AFF2: variants seen among roughly 807,000 people sequenced by gnomAD.
AFF2 encodes AF4/FMR2 family member 2.
In AFF2, 14 loss-of-function variants were observed where a neutral mutation model predicts 76.9. The observed-to-expected ratio is 0.18, with a 90% CI of 0.12 to 0.28. The LOEUF (loss-of-function observed/expected upper bound fraction) is 0.28. Ranked by LOEUF, AFF2 falls within the 10% of genes least tolerant of loss-of-function variation. The pLI, the probability that AFF2 is intolerant of heterozygous loss-of-function variation, is 1.00. For missense variants in AFF2, 868 were observed against 1,001.1 expected (o/e 0.87, Z 1.79); for synonymous variants, 398 against 366.7 (o/e 1.09, Z -0.98).
At chrX:148,761,313 A>G (rs782313247) in intron 3 of AFF2, among the ~76,000 whole-genome samples, 1 of 111,189 alleles carries the variant, frequency 9.0e-6, no homozygotes, top group South Asian at 3.8e-4. Flanking sequence ...TAGAACTATT[A>G]TGTAACATTT....
intron 2 of AFF2, among the ~76,000 whole-genome samples, chrX:148,658,878 G>T (rs782589394): frequency 8.9e-6 from 1 of 111,943 alleles, no homozygotes; most frequent in Non-Finnish European, 1.9e-5. Context: ...TTTTGATATA[G>T]ACAGGGTATG....
intron 8 of AFF2, among the ~76,000 whole-genome samples, chrX:148,898,017 G>A (rs1557280514): frequency 2.7e-5 from 3 of 112,397 alleles, no homozygotes; most frequent in Non-Finnish European, 5.6e-5. Flanking sequence ...TTTTCATTAA[G>A]TTACAATAAA....
In AFF2 at chrX:148,808,243, A is replaced by G. The variant is rs138293060; in HGVS notation, c.1042-1633A>G. On this transcript the variant is annotated intron_variant, in intron 3 of 20. Transcript: ENST00000370460. Reference sequence around the variant, plus strand: ...TTGTGCATTAACTATGTGATTCTTCATATTCACCTTCCTATTGAGCCTGTA... The same window carrying G: ...TTGTGCATTAACTATGTGATTCTTCGTATTCACCTTCCTATTGAGCCTGTA... Among the ~76,000 whole-genome samples the G allele has an allele frequency of 2.6e-3, 286 of 111,918 alleles. 1 individual carries two copies. The highest frequency in any genetic ancestry group is 4.4e-3 in the Non-Finnish European group (234 of 53,187).
At chrX:148,904,120 T>C (rs2071384078) in intron 8 of AFF2, 101 bp from the exon 9 acceptor site, 2 of 574,928 alleles carry the variant, frequency 3.5e-6, no homozygotes, top group South Asian at 5.1e-5. Flanking sequence ...TAGCTCCTTA[T>C]GTTTCTGAAG....
At chrX:148,971,747 C>CTTTTTTTTTTT (rs781928514) in intron 15 of AFF2, among the ~76,000 whole-genome samples, 3 of 44,727 alleles carry the variant, frequency 6.7e-5, no homozygotes, top group African/African-American at 9.5e-5. Flanking sequence ...TTTTCTATTT[C>CTTTTTTTTTTT]TTTTTTTTTT....
At chrX:148,788,335 A>G (rs1007883522) in intron 3 of AFF2, among the ~76,000 whole-genome samples, 1 of 112,599 alleles carries the variant, frequency 8.9e-6, no homozygotes, top group Non-Finnish European at 1.9e-5. Flanking sequence ...AAATGAAGCA[A>G]GAACACTGTA....
rs782578647 is a variant in AFF2 at position 148,843,397 on chromosome X, C to T, written c.1226C>T (p.Thr409Ile). 8.3e-7 allele frequency: 1 copy of T among 1,209,003 alleles called. No homozygotes were observed. The highest frequency in any genetic ancestry group is 1.1e-6 in the Non-Finnish European group (1 of 893,732). Reference sequence around the variant, plus strand: ...TTCTTTTCAGAGTGGAATGACCCAACCACCAGAGCTTCTACAAAGTCAGTG... The same window carrying T: ...TTCTTTTCAGAGTGGAATGACCCAATCACCAGAGCTTCTACAAAGTCAGTG... Reference protein sequence around the residue: ...GFTLQKWNDPTTRASTKSVSF... With the variant: ...GFTLQKWNDPITRASTKSVSF... The change falls in exon 7 of 21, where the codon ACC (threonine) becomes ATC (isoleucine). Residue 409 changes from threonine (T) to isoleucine (I), a missense_variant. Physicochemically the swap from Thr to Ile is moderately conservative, Grantham distance 89. This residue lies in a region of AFF2 where 532 missense variants were observed against 564.2 expected (regional missense o/e 0.94). Transcript: ENST00000370460.
chrX:148,584,904 A>C (rs1341223440), intron 1 of AFF2, among the ~76,000 whole-genome samples: 1 of 111,850 alleles, frequency 8.9e-6, no homozygotes, highest in Non-Finnish European at 1.9e-5. Context: ...TAAAAGAAAC[A>C]TGAGATTTGG....
intron 7 of AFF2, among the ~76,000 whole-genome samples, chrX:148,883,385 G>A (rs782640657): frequency 4.5e-5 from 5 of 111,447 alleles, no homozygotes; most frequent in East Asian, 2.8e-4. Flanking sequence ...ATGGTGCCCC[G>A]CATTATTAGT....
At chrX:148,904,481 T>C in intron 9 of AFF2, 1 of 355,984 alleles carries the variant, frequency 2.8e-6, no homozygotes, top group Non-Finnish European at 4.8e-6. Context: ...GTACCCAGTT[T>C]ACATAAATTA....
chrX:148,605,616 A>G (rs907341343), intron 1 of AFF2, among the ~76,000 whole-genome samples: 12 of 111,885 alleles, frequency 1.1e-4, no homozygotes, highest in Non-Finnish European at 2.1e-4. Flanking sequence ...AACTAAACCT[A>G]TAATATCTTG....
chrX:148,679,091 A>C (rs2124487076), intron 3 of AFF2, among the ~76,000 whole-genome samples: 1 of 109,441 alleles, frequency 9.1e-6, no homozygotes, highest in East Asian at 2.8e-4. Flanking sequence ...AAGAAATACC[A>C]GATTTCGTTT....
At chrX:148,715,252 G>A (rs1569554084) in intron 3 of AFF2, among the ~76,000 whole-genome samples, 2 of 111,453 alleles carry the variant, frequency 1.8e-5, no homozygotes, top group Non-Finnish European at 3.8e-5. Flanking sequence ...AAAAATGTAG[G>A]CATGTTCCTT....
At chrX:148,773,690 GAAAGAAA>G (rs1569555315) in intron 3 of AFF2, among the ~76,000 whole-genome samples, 16 of 57,012 alleles carry the variant, frequency 2.8e-4, no homozygotes, top group African/African-American at 1.3e-3. Flanking sequence ...AGGAAGGAAA[GAAAGAAA>G]GAAAGAAAGA....
At chrX:148,861,764 C>T (rs1413430438) in intron 7 of AFF2, among the ~76,000 whole-genome samples, 1 of 111,478 alleles carries the variant, frequency 9.0e-6, no homozygotes, top group Non-Finnish European at 1.9e-5. Flanking sequence ...GCCATCTTCA[C>T]TCCACCTTTA....
At chrX:148,636,950 T>C (rs1266419456) in intron 1 of AFF2, among the ~76,000 whole-genome samples, 1 of 112,088 alleles carries the variant, frequency 8.9e-6, no homozygotes, top group African/African-American at 3.2e-5. Context: ...TAAAAGGCAA[T>C]TTACATTAAT....
chrX:148,968,261 G>A (rs782570725), intron 15 of AFF2, among the ~76,000 whole-genome samples: 2 of 111,756 alleles, frequency 1.8e-5, no homozygotes, highest in South Asian at 7.6e-4. Flanking sequence ...AAGGGTTTTA[G>A]CCACCTAGAT....
chrX:148,981,396 C>T (rs1331688599), intron 19 of AFF2, among the ~76,000 whole-genome samples: 1 of 110,748 alleles, frequency 9.0e-6, no homozygotes, highest in African/African-American at 3.3e-5. Context: ...GCCCAAAAAC[C>T]GTTGACCTGG....
chrX:148,749,432 C>A (rs782227349), intron 3 of AFF2, among the ~76,000 whole-genome samples: 45 of 111,253 alleles, frequency 4.0e-4, no homozygotes, highest in Non-Finnish European at 7.9e-4. Flanking sequence ...CCAGCATTCC[C>A]AGCTTGTCTG....
Sources: allele counts gnomAD v4.1 joint callset (sites outside exome capture counted in the v4.1 genomes callset), GRCh38; gene constraint gnomAD v4.1.1; regional missense constraint gnomAD v4.1.1; transcripts MANE v1.5; gene names NCBI Gene and HGNC (gene_info 2026-07-23, HGNC 2026-07-21).